The following LUZP1 variants were observed in gnomAD, a reference collection of about 807,000 sequenced individuals.
LUZP1 encodes the protein filamin mechanobinding actin cross-linking protein.
A neutral mutation model predicts 71.3 loss-of-function variants in LUZP1; 25 were observed. That is an observed-to-expected ratio of 0.35 (90% CI 0.26 to 0.49). The LOEUF is 0.49. LUZP1 is among the 20% of genes least tolerant of loss of function. LUZP1 has a pLI of 0.99. For missense variants in LUZP1, 1,142 were observed against 1,300.8 expected (o/e 0.88, Z 1.88); for synonymous variants, 481 against 506.4 (o/e 0.95, Z 0.67).
intron 3 of LUZP1, among the ~76,000 whole-genome samples, chr1:23,104,146 C>G (rs1371934098): frequency 2.0e-5 from 3 of 151,754 alleles, no homozygotes; most frequent in Non-Finnish European, 4.4e-5. Context: ...CCCCACAACC[C>G]ACAGCCATTC....
intron 2 of LUZP1, among the ~76,000 whole-genome samples, chr1:23,164,520 A>T (rs1644495100): frequency 6.6e-6 from 1 of 152,046 alleles, no homozygotes. Flanking sequence ...CACCATACAG[A>T]AACAGAATGA....
At chr1:23,133,270 T>C (rs535395035) in intron 2 of LUZP1, among the ~76,000 whole-genome samples, 6 of 152,240 alleles carry the variant, frequency 3.9e-5, no homozygotes, top group Non-Finnish European at 7.3e-5. Flanking sequence ...TTAATTATTA[T>C]TGCTATTATT....
chr1:23,097,611 G>A (rs1643900080), intron 3 of LUZP1, among the ~76,000 whole-genome samples: 1 of 152,166 alleles, frequency 6.6e-6, no homozygotes, highest in South Asian at 2.1e-4. Flanking sequence ...AGCACTTTGA[G>A]AAGCTGAGGT....
rs763296438 is a variant in LUZP1 at position 23,093,960 on chromosome 1, T to C, written c.302A>G (p.Asn101Ser). The change falls in exon 4 of 5, where the codon AAC becomes AGC. Residue 101 changes from asparagine to serine, a missense_variant. Transcript: ENST00000302291. The surrounding 1 kb of genome is among the most constrained non-coding windows in gnomAD (Gnocchi z 4.2). ...CTCAGATTTCAGCTCCCGGGTGAGGTTTTCTTCCTCTTCAAGTTTCTCCTT... is the reference window on the plus strand; with the variant it reads ...CTCAGATTTCAGCTCCCGGGTGAGGCTTTCTTCCTCTTCAAGTTTCTCCTT... 6.2e-7 allele frequency: 1 copy of C among 1,613,976 alleles called. No homozygotes were observed. The highest frequency in any genetic ancestry group is 8.5e-7 in the Non-Finnish European group (1 of 1,180,006).
chr1:23,084,611 C>CTGT (rs1337417805), exon 5 of LUZP1: 1 of 152,166 alleles, frequency 6.6e-6, no homozygotes, highest in African/African-American at 2.4e-5. Context: ...ATGATAAACA[C>CTGT]TGTTACTGCA....
chr1:23,122,123 C>A (rs1175065222), intron 2 of LUZP1, among the ~76,000 whole-genome samples: 1 of 152,026 alleles, frequency 6.6e-6, no homozygotes, highest in African/African-American at 2.4e-5. Flanking sequence ...TAAAGAAACA[C>A]CAAAAGACAC....
rs1028495029 is a variant in LUZP1 at position 23,133,098 on chromosome 1, T to C, written c.-225-23971A>G. On this transcript the variant is annotated intron_variant, in intron 2 of 4. Coordinates refer to ENST00000302291, the Ensembl canonical transcript of LUZP1. ...GCTCAGAAAAGAAAGACACTCTATTTTGGAAGCCTGCTTCTAGAAAGCACA... is the reference window on the plus strand; with the variant it reads ...GCTCAGAAAAGAAAGACACTCTATTCTGGAAGCCTGCTTCTAGAAAGCACA... 2.6e-5 allele frequency among the ~76,000 whole-genome samples: 4 copies of C among 152,178 alleles called. No individual in the cohort carries two copies. In the South Asian group the frequency reaches 8.3e-4, roughly 32 times the overall value.
intron 4 of LUZP1, 31 bp from the exon 4 acceptor site, chr1:23,089,084 G>A (rs763146024): frequency 3.1e-6 from 5 of 1,609,984 alleles, no homozygotes; most frequent in Non-Finnish European, 4.2e-6. Context: ...AGTGAGCTGT[G>A]GAGGTCAGTA....
chr1:23,149,674 A>G (rs1644368208), intron 2 of LUZP1, among the ~76,000 whole-genome samples: 1 of 152,112 alleles, frequency 6.6e-6, no homozygotes, highest in South Asian at 2.1e-4. Flanking sequence ...GCCATTTTAA[A>G]AATGTTTAGA....
At chr1:23,168,495 C>T (rs72657860) in intron 2 of LUZP1, among the ~76,000 whole-genome samples, 1 of 151,206 alleles carries the variant, frequency 6.6e-6, no homozygotes. Context: ...TTCCCTCCCC[C>T]TCCCGAGGAA....
In LUZP1 at chr1:23,092,340, T is replaced by C. The variant is rs200226163; in HGVS notation, c.1922A>G (p.His641Arg). The C allele has an allele frequency of 6.3e-5, 102 of 1,614,094 alleles. No homozygotes were observed. The Middle Eastern group carries it at 8.2e-4, about 13-fold the overall frequency. Residue 641 changes from histidine (H) to arginine (R), a missense_variant, in exon 4 of 5, where the codon CAT becomes CGT. His to Arg is a conservative substitution (Grantham distance 29, BLOSUM62 0). Transcript: ENST00000302291. ...GATGACTCGACACCTCAAGGCTTCA[T>C]GCGGACTGCTGTCTTCCATCACAAC...
exon 5 of LUZP1, chr1:23,086,047 T>G (rs1331820931): frequency 6.6e-6 from 1 of 152,226 alleles, no homozygotes; most frequent in Non-Finnish European, 1.5e-5. Flanking sequence ...CCGGGGGCAG[T>G]GGGACTATTT....
chr1:23,165,991 G>A (rs1569712736), intron 2 of LUZP1, among the ~76,000 whole-genome samples: 1 of 150,360 alleles, frequency 6.7e-6, no homozygotes, highest in Non-Finnish European at 1.5e-5. Context: ...AGCACCTAGA[G>A]GCATATAGTA....
In LUZP1 at chr1:23,113,452, G is replaced by C. The variant is rs866274555; in HGVS notation, c.-225-4325C>G. The stretch of plus-strand genomic sequence containing the variant: ...CAAACAAACAAACAAAAAACACCTA[G>C]AAAAATTAAACCCATTTGCAATTTG... On this transcript the variant is annotated intron_variant, in intron 2 of 4. Transcript: ENST00000302291. Among the ~76,000 whole-genome samples the C allele has an allele frequency of 1.4e-4, 21 of 152,018 alleles. No homozygotes were observed. The Middle Eastern group carries it at 0.024, about 172-fold the overall frequency.
intron 2 of LUZP1, among the ~76,000 whole-genome samples, chr1:23,150,243 A>C (rs1329803307): frequency 6.6e-6 from 1 of 152,114 alleles, no homozygotes; most frequent in Non-Finnish European, 1.5e-5. Context: ...CAATGGGACA[A>C]AAGACAAAAA....
chr1:23,111,298 C>T lies in LUZP1; in HGVS notation c.-225-2171G>A, dbSNP rs575910373. Among the ~76,000 whole-genome samples the T allele has an allele frequency of 2.6e-5, 4 of 151,878 alleles. No individual in the cohort carries two copies. The East Asian group carries it at 7.7e-4, about 29-fold the overall frequency. The stretch of plus-strand genomic sequence containing the variant: ...AGGCACAGTGGCTCATGCCTATAAT[C>T]CCAGCACTTTGGGAGGCCAAGGCAG... On this transcript the variant is annotated intron_variant, in intron 2 of 4. Coordinates refer to ENST00000302291, the Ensembl canonical transcript of LUZP1.
At chr1:23,176,935 G>A (rs1644585775) in intron 1 of LUZP1, among the ~76,000 whole-genome samples, 1 of 152,166 alleles carries the variant, frequency 6.6e-6, no homozygotes, top group South Asian at 2.1e-4. Flanking sequence ...AGGCTGCAGT[G>A]CAGTGACACA....
rs533708372 is a variant in LUZP1, at chr1:23,161,250, C to A, written c.-226+7516G>T. Among the ~76,000 whole-genome samples the A allele has an allele frequency of 2.0e-5, 3 of 152,236 alleles. No individual in the cohort carries two copies. In the East Asian group the frequency reaches 5.8e-4, roughly 29 times the overall value. On this transcript the variant is annotated intron_variant, in intron 2 of 4. Coordinates refer to ENST00000302291, the Ensembl canonical transcript of LUZP1. ...ATAATCATGCACGCAGATATATAAT[C>A]ATAAATTGCAATAGGTGCTATGAAA...
intron 2 of LUZP1, among the ~76,000 whole-genome samples, chr1:23,150,148 T>G (rs1644373221): frequency 6.6e-6 from 1 of 151,500 alleles, no homozygotes; most frequent in African/African-American, 2.4e-5. Context: ...CTGATGAGAG[T>G]GAGGTACTGG....
Sources: gnomAD v4.1 joint callset for allele counts (sites outside exome capture counted in the v4.1 genomes callset) on GRCh38, gnomAD v4.1.1 for gene constraint, Gnocchi (gnomAD v3.1) non-coding constraint, MANE v1.5 for transcripts, NCBI Gene and HGNC (gene_info 2026-07-23, HGNC 2026-07-21) for gene names.